TMTC3: variants seen among roughly 807,000 people sequenced by gnomAD.
TMTC3 encodes the protein protein O-mannosyl-transferase TMTC3.
Under a neutral mutation model 92.2 loss-of-function variants are expected in TMTC3, and 52 were observed. The observed-to-expected ratio is 0.56, with a 90% CI of 0.45 to 0.71. The LOEUF is 0.71. Among genes scored for constraint, TMTC3 ranks in the 30% least tolerant of loss-of-function variants. TMTC3 has a pLI of 0.00. For synonymous variants in TMTC3, 339 were observed against 363.3 expected (o/e 0.93, Z 0.76); for missense variants, 896 against 1,057.1 (o/e 0.85, Z 2.11).
At chr12:88,174,349 AT>A (rs1391360592) in intron 8 of TMTC3, among the ~76,000 whole-genome samples, 1 of 152,048 alleles carries the variant, frequency 6.6e-6, no homozygotes, top group Non-Finnish European at 1.5e-5. Context: ...ATTTTTTATC[AT>A]TTATTTTAAA....
chr12:88,167,629 G>C (rs929594817), intron 7 of TMTC3, among the ~76,000 whole-genome samples: 1 of 151,976 alleles, frequency 6.6e-6, no homozygotes, highest in Non-Finnish European at 1.5e-5. Flanking sequence ...CACGTTTCCA[G>C]AGAACTTACA....
rs929226775 is a variant in TMTC3 at position 88,190,512 on chromosome 12, C to A, written c.1596C>A (p.Ile532=). The A allele has an allele frequency of 7.4e-6, 12 of 1,613,704 alleles. No homozygotes were observed. Among genetic ancestry groups the A allele is most frequent in the Non-Finnish European group, 9.3e-6 (11 of 1,179,884 alleles). The change falls in exon 12 of 14, where the codon ATC becomes ATA. Residue 532 remains isoleucine (I), a synonymous_variant. Coordinates refer to ENST00000266712, the MANE Select transcript of TMTC3 (RefSeq NM_181783.4). ...RIAPNHLNVY[I]NLANLIRANE... The stretch of plus-strand genomic sequence containing the variant: ...CCCCTAACCACCTAAATGTTTATAT[C>A]AATCTGGCTAACCTGATCCGAGCAA...
In TMTC3 at chr12:88,194,849, C is replaced by G; in HGVS notation, c.1945C>G (p.Leu649Val). 4 of 1,582,926 alleles carry G rather than the reference C, an allele frequency of 2.5e-6. No individual in the cohort carries two copies. The highest frequency in any genetic ancestry group is 3.4e-6 in the Non-Finnish European group (4 of 1,167,322). ...AAAAAACTTTCTAGGTGAGGTTAAA[C>G]TCAGACCTGAAGCTAGAAAACGACT... ...IVMQESGEVK[L>V]RPEARKRLLS... is the part of the protein sequence containing the mutation. The change falls in exon 14 of 14, where the codon CTC becomes GTC. Residue 649 changes from leucine (L) to valine (V), a missense_variant. Transcript: ENST00000266712.
chr12:88,153,696 G>A (rs2040972331), intron 3 of TMTC3, among the ~76,000 whole-genome samples, 187 bp downstream of exon 3: 1 of 151,720 alleles, frequency 6.6e-6, no homozygotes, highest in South Asian at 2.1e-4. Context: ...ACTTCCTACT[G>A]TGTAAAATTT....
intron 2 of TMTC3, among the ~76,000 whole-genome samples, chr12:88,152,535 A>G (rs1489725304): frequency 6.6e-6 from 1 of 152,194 alleles, no homozygotes; most frequent in East Asian, 1.9e-4. Context: ...TAACTTTATT[A>G]ATATTTTATA....
chr12:88,176,385 G>T, intron 10 of TMTC3, 66 bp downstream of exon 10: 1 of 1,183,570 alleles, frequency 8.4e-7, no homozygotes, highest in Non-Finnish European at 1.2e-6. Flanking sequence ...ATCCTTGGGG[G>T]AAATAAGGTA....
chr12:88,164,786 GAATAAATT>G (rs1259402748), intron 6 of TMTC3, among the ~76,000 whole-genome samples: 4 of 152,238 alleles, frequency 2.6e-5, no homozygotes, highest in East Asian at 1.9e-4. Flanking sequence ...GCGCTGGGTA[GAATAAATT>G]TTATTCAGAT....
At chr12:88,146,070 C>T (rs1427930605) in intron 1 of TMTC3, among the ~76,000 whole-genome samples, 1 of 152,126 alleles carries the variant, frequency 6.6e-6, no homozygotes, top group Admixed American at 6.5e-5. Flanking sequence ...TAGTGTGTTA[C>T]ATGTTTGCAA....
At position 88,153,491 on chromosome 12, in the gene TMTC3, C is replaced by T; in HGVS notation, c.390C>T (p.His130=). The change falls in exon 3 of 14, where the codon CAC becomes CAT. Residue 130 remains histidine, a synonymous_variant. Coordinates refer to ENST00000266712, the MANE Select transcript of TMTC3 (RefSeq NM_181783.4). ...SVIASLLFAV[H]PIHTEAVTGV... is the part of the protein sequence containing the mutation. ...TTGCTTCTTTACTTTTTGCAGTGCA[C>T]CCAATACACACAGAAGCAGTAAGTA... The T allele has an allele frequency of 6.2e-7, 1 of 1,607,516 alleles. No individual in the cohort carries two copies. Among genetic ancestry groups the T allele is most frequent in the South Asian group, 1.1e-5 (1 of 90,628 alleles).
chr12:88,169,803 G>A (rs963292549), intron 7 of TMTC3, among the ~76,000 whole-genome samples: 1 of 152,018 alleles, frequency 6.6e-6, no homozygotes, highest in Admixed American at 6.6e-5. Context: ...GCCAGGCATG[G>A]TAGTGCATAC....
intron 7 of TMTC3, among the ~76,000 whole-genome samples, chr12:88,171,378 A>G (rs1012696058): frequency 2.0e-5 from 3 of 151,784 alleles, no homozygotes; most frequent in South Asian, 2.1e-4. Flanking sequence ...TCTCCCTCCA[A>G]CCCTGGTGAC....
intron 10 of TMTC3, among the ~76,000 whole-genome samples, chr12:88,185,757 T>C (rs2041370644): frequency 6.6e-6 from 1 of 152,096 alleles, no homozygotes; most frequent in Non-Finnish European, 1.5e-5. Context: ...CACAAGTAAA[T>C]GTTGGATTCT....
chr12:88,161,819 A>G (rs2041083289), intron 6 of TMTC3, among the ~76,000 whole-genome samples: 1 of 151,058 alleles, frequency 6.6e-6, no homozygotes, highest in Admixed American at 6.6e-5. Flanking sequence ...TAAAAATATC[A>G]GTGTATATAT....
At chr12:88,190,766 T>C in intron 12 of TMTC3, 144 bp downstream of exon 12, 3 of 808,814 alleles carry the variant, frequency 3.7e-6, no homozygotes, top group Non-Finnish European at 5.6e-6. Context: ...AGAGCATAAC[T>C]TTTTAGACTG....
intron 2 of TMTC3, among the ~76,000 whole-genome samples, chr12:88,152,657 A>T (rs956403781): frequency 1.3e-5 from 2 of 152,222 alleles, no homozygotes. Flanking sequence ...AGTACTTTAC[A>T]TGAAATTTTA....
chr12:88,162,472 CTG>C (rs1250879999), intron 6 of TMTC3, among the ~76,000 whole-genome samples: 1 of 152,198 alleles, frequency 6.6e-6, no homozygotes, highest in South Asian at 2.1e-4. Flanking sequence ...CACTGATGCT[CTG>C]TTTTTTTCCC....
chr12:88,160,854 A>G lies in TMTC3; in HGVS notation c.797+3A>G. 2 of 1,576,380 alleles carry G rather than the reference A, an allele frequency of 1.3e-6. No individual in the cohort carries two copies. The highest frequency in any genetic ancestry group is 1.2e-5 in the South Asian group (1 of 83,848). ...TCCCAACTTCCAGTATTCACCAGGTATGAAATTCTGGTTCTTTGTTTTCTC... is the reference window on the plus strand; with the variant it reads ...TCCCAACTTCCAGTATTCACCAGGTGTGAAATTCTGGTTCTTTGTTTTCTC... On this transcript the variant is annotated splice_donor_region_variant and intron_variant, in intron 6 of 13. Transcript: ENST00000266712.
chr12:88,159,133 A>G (rs1479834949), intron 4 of TMTC3, among the ~76,000 whole-genome samples: 1 of 151,568 alleles, frequency 6.6e-6, no homozygotes, highest in Non-Finnish European at 1.5e-5. Flanking sequence ...TTTTTAAACT[A>G]GAAAAGAATT....
chr12:88,169,617 T>C (rs2041182472), intron 7 of TMTC3, among the ~76,000 whole-genome samples: 1 of 152,096 alleles, frequency 6.6e-6, no homozygotes, highest in Admixed American at 6.6e-5. Context: ...AACAGCATAA[T>C]GTAAGTTGTT....
Sources: allele counts gnomAD v4.1 joint callset (sites outside exome capture counted in the v4.1 genomes callset), GRCh38; gene constraint gnomAD v4.1.1; transcripts MANE v1.5; gene names NCBI Gene and HGNC (gene_info 2026-07-23, HGNC 2026-07-21).